TRAPPC13: variants seen among roughly 807,000 people sequenced by gnomAD.
The protein encoded by TRAPPC13 is REV7-interacting novel NHEJ regulator 1.
A neutral mutation model predicts 54.0 loss-of-function variants in TRAPPC13; 39 were observed. That is an observed-to-expected ratio of 0.72 (90% CI 0.56 to 0.94). The LOEUF is 0.94. TRAPPC13 is among the 40% of genes least tolerant of loss of function. The pLI, the probability that TRAPPC13 is intolerant of heterozygous loss-of-function variation, is 0.00. For missense variants in TRAPPC13, 386 were observed against 488.1 expected, an observed-to-expected ratio of 0.79 and a Z score of 1.97; for synonymous variants, 148 against 167.7, an observed-to-expected ratio of 0.88 and a Z score of 0.91.
intron 4 of TRAPPC13, among the ~76,000 whole-genome samples, chr5:65,638,835 G>A (rs972879314): frequency 6.6e-6 from 1 of 152,152 alleles, no homozygotes; most frequent in African/African-American, 2.4e-5. Context: ...TGTAATCCTA[G>A]CACTTTGGGA....
At chr5:65,662,550 G>GT (rs953351260) in intron 11 of TRAPPC13, 1 of 153,028 alleles carries the variant, frequency 6.5e-6, no homozygotes, top group Non-Finnish European at 1.5e-5. Flanking sequence ...TGGATTTAAT[G>GT]TAAGGGGAGA....
chr5:65,632,982 C>G (rs115236370), intron 1 of TRAPPC13, among the ~76,000 whole-genome samples: 1 of 152,052 alleles, frequency 6.6e-6, no homozygotes, highest in Admixed American at 6.6e-5. Context: ...CAAAACTGAA[C>G]GTAGTACATA....
At chr5:65,657,265 C>A (rs1581231574) in intron 8 of TRAPPC13, among the ~76,000 whole-genome samples, 1 of 151,906 alleles carries the variant, frequency 6.6e-6, no homozygotes, top group East Asian at 1.9e-4. Flanking sequence ...GCCTATAATC[C>A]CAGCTACTCG....
chr5:65,629,692 A>G, intron 1 of TRAPPC13: 5 of 1,536,082 alleles, frequency 3.3e-6, no homozygotes, highest in African/African-American at 1.4e-5. Context: ...CTCGTCCGCT[A>G]TCAAGATTTA....
chr5:65,637,832 T>C, intron 4 of TRAPPC13, 52 bp downstream of exon 4: 2 of 1,157,258 alleles, frequency 1.7e-6, no homozygotes, highest in Non-Finnish European at 2.5e-6. Flanking sequence ...AAAGGTTTTT[T>C]TTTAGGCCGG....
At chr5:65,657,436 T>C (rs1372376968) in intron 8 of TRAPPC13, among the ~76,000 whole-genome samples, 1 of 152,194 alleles carries the variant, frequency 6.6e-6, no homozygotes, top group East Asian at 1.9e-4. Flanking sequence ...GATTTTATGT[T>C]ATTTATGTGT....
chr5:65,658,757 C>A (rs1756745041), intron 9 of TRAPPC13, among the ~76,000 whole-genome samples: 1 of 151,300 alleles, frequency 6.6e-6, no homozygotes. Flanking sequence ...TTGAAAGAGT[C>A]CAGCTCTATG....
Position 65,628,572 on chromosome 5 carries a change from A to G in TRAPPC13, c.46+3466A>G, listed in dbSNP as rs186176400. ...TGCAAACCTCAACCTCCCGGGTTCA[A>G]GCGATTCTCCTCCCTCAGCCTCCTG... On this transcript the variant is annotated intron_variant, in intron 1 of 12. Coordinates refer to ENST00000399438, the MANE Select transcript of TRAPPC13 (RefSeq NM_024941.4). Among the ~76,000 whole-genome samples, 4 of 151,912 alleles carry G rather than the reference A, an allele frequency of 2.6e-5. No homozygotes were observed. In the East Asian group the frequency reaches 7.7e-4, roughly 29 times the overall value.
intron 1 of TRAPPC13, chr5:65,630,384 A>G (rs1183275831): frequency 2.1e-6 from 3 of 1,439,576 alleles, no homozygotes; most frequent in African/African-American, 1.4e-5. Flanking sequence ...AATGAAATGA[A>G]TATGGATTGA....
chr5:65,647,324 GA>G, intron 5 of TRAPPC13, 142 bp downstream of exon 5: 1 of 650,784 alleles, frequency 1.5e-6, no homozygotes, highest in Non-Finnish European at 2.4e-6. Context: ...ATGTTTACCA[GA>G]AATAAAGTTT....
At chr5:65,648,647 T>C (rs1308793622) in intron 5 of TRAPPC13, among the ~76,000 whole-genome samples, 1 of 152,194 alleles carries the variant, frequency 6.6e-6, no homozygotes, top group Non-Finnish European at 1.5e-5. Flanking sequence ...TGTATTGTGC[T>C]TTGATCAGTC....
intron 1 of TRAPPC13, among the ~76,000 whole-genome samples, chr5:65,626,682 T>G (rs1250276714): frequency 1.3e-5 from 2 of 151,360 alleles, no homozygotes; most frequent in Non-Finnish European, 2.9e-5. Flanking sequence ...CTTGCAGTGA[T>G]CCGAGATCAC....
intron 4 of TRAPPC13, among the ~76,000 whole-genome samples, chr5:65,640,365 C>T (rs1182569048): frequency 6.6e-6 from 1 of 152,076 alleles, no homozygotes; most frequent in African/African-American, 2.4e-5. Flanking sequence ...AGCAAGGCAC[C>T]GCCTCTACAA....
intron 5 of TRAPPC13, among the ~76,000 whole-genome samples, chr5:65,649,417 T>C (rs1324931716): frequency 6.6e-6 from 1 of 152,226 alleles, no homozygotes; most frequent in Non-Finnish European, 1.5e-5. Flanking sequence ...GCTCTTTCAC[T>C]AAAAGATTGT....
At chr5:65,642,232 A>T (rs2150674408) in intron 4 of TRAPPC13, among the ~76,000 whole-genome samples, 1 of 152,192 alleles carries the variant, frequency 6.6e-6, no homozygotes, top group Non-Finnish European at 1.5e-5. Flanking sequence ...CTGAGGCAGG[A>T]GAATCGCTTG....
chr5:65,650,814 G>C lies in TRAPPC13; in HGVS notation c.433G>C (p.Val145Leu). Residue 145 changes from valine (V) to leucine (L), a missense_variant, in exon 6 of 13, where the codon GTA (valine) becomes CTA (leucine). Coordinates refer to ENST00000399438, the MANE Select transcript of TRAPPC13 (RefSeq NM_024941.4). ...EVKEIGTHILVCAVSYTTQAG... is the reference protein window; with the variant it reads ...EVKEIGTHILLCAVSYTTQAG... ...TAAGACATCTTTCTGTTTCAGCTTGGTATGTGCTGTGAGTTATACAACTCA... is the reference window on the plus strand; with the variant it reads ...TAAGACATCTTTCTGTTTCAGCTTGCTATGTGCTGTGAGTTATACAACTCA... 6.2e-7 allele frequency: 1 copy of C among 1,612,426 alleles called. No homozygotes were observed. Among genetic ancestry groups the C allele is most frequent in the Non-Finnish European group, 8.5e-7 (1 of 1,179,336 alleles).
At position 65,666,027 on chromosome 5, in the gene TRAPPC13, T is replaced by G. The variant is rs1473959967; in HGVS notation, c.*1416T>G. On this transcript the variant is annotated 3_prime_UTR_variant, in exon 13 of 13. Transcript: ENST00000399438. ...TTTGCACCTCAAAATTGAGTAATAA[T>G]TAATGAAATGTCTGTACAAAATAAA... is the stretch of plus-strand genomic sequence containing the variant. 1 of 152,570 alleles carries G rather than the reference T, an allele frequency of 6.6e-6. No homozygotes were observed. The highest frequency in any genetic ancestry group is 2.4e-5 in the African/African-American group (1 of 41,438). 9.5% of individuals were successfully genotyped at this position (152,570 alleles called of 1,614,324 possible).
At chr5:65,661,478 T>G (rs1179713490) in intron 10 of TRAPPC13, 1 of 152,330 alleles carries the variant, frequency 6.6e-6, no homozygotes, top group East Asian at 1.9e-4. Flanking sequence ...TTTTGACATA[T>G]TCCAAATTTT....
chr5:65,630,858 C>G (rs2150662670), intron 1 of TRAPPC13: 1 of 194,838 alleles, frequency 5.1e-6, no homozygotes, highest in South Asian at 1.8e-4. Context: ...GATAATGTAT[C>G]CTGTTTTGAA....
Sources: gnomAD v4.1 joint callset for allele counts (sites outside exome capture counted in the v4.1 genomes callset) on GRCh38, gnomAD v4.1.1 for gene constraint, MANE v1.5 for transcripts, NCBI Gene and HGNC (gene_info 2026-07-23, HGNC 2026-07-21) for gene names.